FBXL7: variants seen among roughly 807,000 people sequenced by gnomAD.
The protein encoded by FBXL7 is F-box/LRR-repeat protein 7.
In FBXL7, 12 loss-of-function variants were observed where a neutral mutation model predicts 38.3. The ratio of observed to expected loss-of-function variants is 0.31; its 90% CI spans 0.20 to 0.51. The LOEUF is 0.51. FBXL7 is among the 20% of genes least tolerant of loss of function. The pLI is 0.98. For synonymous variants in FBXL7, 297 were observed against 300.9 expected (o/e 0.99, Z 0.13); for missense variants, 567 against 676.4 (o/e 0.84, Z 1.79).
At chr5:15,872,340 A>G (rs963000077) in intron 2 of FBXL7, among the ~76,000 whole-genome samples, 6 of 152,220 alleles carry the variant, frequency 3.9e-5, no homozygotes, top group Admixed American at 3.3e-4. Context: ...TGTAAAGACC[A>G]TCAACACTAT....
chr5:15,615,544 C>T (rs1480034193), intron 1 of FBXL7, among the ~76,000 whole-genome samples: 6 of 152,146 alleles, frequency 3.9e-5, no homozygotes, highest in African/African-American at 1.2e-4. Flanking sequence ...TTTGATGTGA[C>T]GCAGCTATTT....
chr5:15,510,825 C>G (rs1218687589), intron 1 of FBXL7, among the ~76,000 whole-genome samples: 1 of 152,160 alleles, frequency 6.6e-6, no homozygotes, highest in East Asian at 1.9e-4. Context: ...CACTTGCTCC[C>G]AGAGCACCTT....
chr5:15,847,841 G>A (rs1406399170), intron 2 of FBXL7, among the ~76,000 whole-genome samples: 2 of 152,098 alleles, frequency 1.3e-5, no homozygotes, highest in Admixed American at 6.6e-5. Flanking sequence ...GGAGCCTCTT[G>A]GAGCAGAGAG....
At chr5:15,650,348 T>C (rs1185756231) in intron 2 of FBXL7, among the ~76,000 whole-genome samples, 1 of 152,232 alleles carries the variant, frequency 6.6e-6, no homozygotes, top group African/African-American at 2.4e-5. Context: ...AATTTTAAAA[T>C]ACTTTATTGC....
intron 2 of FBXL7, among the ~76,000 whole-genome samples, chr5:15,697,515 A>G (rs1743378857): frequency 6.6e-6 from 1 of 152,098 alleles, no homozygotes. Context: ...TGAGATTAAT[A>G]TGACCATAGT....
intron 2 of FBXL7, among the ~76,000 whole-genome samples, chr5:15,757,503 A>G (rs1394571489): frequency 6.6e-6 from 1 of 151,690 alleles, no homozygotes; most frequent in African/African-American, 2.4e-5. Flanking sequence ...ACTAATTTAC[A>G]TTCCTGCTGA....
At chr5:15,687,683 C>T (rs1743056842) in intron 2 of FBXL7, among the ~76,000 whole-genome samples, 1 of 151,820 alleles carries the variant, frequency 6.6e-6, no homozygotes, top group African/African-American at 2.4e-5. Flanking sequence ...CAGTCCTGCA[C>T]AGTGAGGACA....
At chr5:15,520,208 A>G (rs1737060633) in intron 1 of FBXL7, among the ~76,000 whole-genome samples, 1 of 152,144 alleles carries the variant, frequency 6.6e-6, no homozygotes, top group African/African-American at 2.4e-5. Context: ...CTATTTTATC[A>G]GTAAGGTCTT....
chr5:15,935,352 T>A (rs1039336223), intron 3 of FBXL7: 2 of 402,258 alleles, frequency 5.0e-6, no homozygotes. Flanking sequence ...GAAGGGAGTC[T>A]GATTCAAGGA....
intron 2 of FBXL7, among the ~76,000 whole-genome samples, chr5:15,868,208 A>G (rs776249890): frequency 9.9e-5 from 15 of 152,138 alleles, no homozygotes; most frequent in Non-Finnish European, 1.8e-4. Context: ...CAGCAAGGCA[A>G]CAGGAACCTA....
intron 3 of FBXL7, among the ~76,000 whole-genome samples, chr5:15,929,544 A>T (rs1443606900): frequency 1.3e-5 from 2 of 150,904 alleles, no homozygotes; most frequent in African/African-American, 4.9e-5. Context: ...GGATTGCTTG[A>T]GCCCAGGAGT....
chr5:15,556,639 G>GTTA (rs1273554141), intron 1 of FBXL7, among the ~76,000 whole-genome samples: 3 of 152,062 alleles, frequency 2.0e-5, no homozygotes, highest in Non-Finnish European at 2.9e-5. Flanking sequence ...ATACATATAT[G>GTTA]GGAGTACTCA....
At chr5:15,898,625 G>C (rs1438780426) in intron 2 of FBXL7, among the ~76,000 whole-genome samples, 1 of 152,214 alleles carries the variant, frequency 6.6e-6, no homozygotes, top group Non-Finnish European at 1.5e-5. Flanking sequence ...GTAAAATTTA[G>C]ATTTTAGCCT....
chr5:15,774,764 C>T (rs1326987398), intron 2 of FBXL7, among the ~76,000 whole-genome samples: 3 of 152,122 alleles, frequency 2.0e-5, no homozygotes, highest in Admixed American at 1.3e-4. Context: ...TTTTTCCTTG[C>T]CTTTTCTGAT....
At chr5:15,744,131 T>G (rs952143467) in intron 2 of FBXL7, among the ~76,000 whole-genome samples, 2 of 152,244 alleles carry the variant, frequency 1.3e-5, no homozygotes, top group East Asian at 1.9e-4. Context: ...GTGATTAACA[T>G]TTGGCTCCTT....
rs1742223078 is a variant in FBXL7, at chr5:15,937,239, T to C, written c.*53T>C. ...TCACACAAACCTGAACAAAGCAAAT[T>C]TTTTTAAAAGCAGCGTATGTAAGCA... is the stretch of plus-strand genomic sequence containing the variant. On this transcript the variant is annotated 3_prime_UTR_variant, in exon 4 of 4. Coordinates refer to ENST00000504595, the MANE Select transcript of FBXL7 (RefSeq NM_012304.5). The C allele has an allele frequency of 2.0e-6, 3 of 1,476,710 alleles. No homozygotes were observed. The highest frequency in any genetic ancestry group is 2.7e-5 in the South Asian group (2 of 72,908). The allele number at this position is 1,476,710 out of a possible 1,614,324, so 91.5% of individuals were successfully genotyped here.
chr5:15,517,322 A>G (rs1736970812), intron 1 of FBXL7, among the ~76,000 whole-genome samples: 1 of 152,212 alleles, frequency 6.6e-6, no homozygotes, highest in Non-Finnish European at 1.5e-5. Context: ...GGTAGAAACT[A>G]ATAAAGTACT....
At chr5:15,749,354 C>T (rs550084630) in intron 2 of FBXL7, among the ~76,000 whole-genome samples, 17 of 151,696 alleles carry the variant, frequency 1.1e-4, no homozygotes, top group Non-Finnish European at 2.2e-4. Context: ...CGGCTGGGTG[C>T]GGTGGCTCAC....
Position 15,509,161 on chromosome 5 carries a change from G to A in FBXL7, c.37+8448G>A, listed in dbSNP as rs1255416115. Among the ~76,000 whole-genome samples the A allele has an allele frequency of 5.3e-5, 8 of 152,308 alleles. No homozygotes were observed. The East Asian group carries it at 1.4e-3, about 26-fold the overall frequency. Reference sequence around the variant, plus strand: ...AAAAAGGGCATCTTCCTCAGGGAGCGCTGAGGCACTTTTGTATAGCACAGG... The same window carrying A: ...AAAAAGGGCATCTTCCTCAGGGAGCACTGAGGCACTTTTGTATAGCACAGG... On this transcript the variant is annotated intron_variant, in intron 1 of 3. Transcript: ENST00000504595.
Sources: gnomAD v4.1 joint callset for allele counts (sites outside exome capture counted in the v4.1 genomes callset) on GRCh38, gnomAD v4.1.1 for gene constraint, MANE v1.5 for transcripts, NCBI Gene and HGNC (gene_info 2026-07-23, HGNC 2026-07-21) for gene names.